Variants in DNAH3 observed in about 807,000 individuals in gnomAD.
DNAH3 encodes the protein dynein axonemal heavy chain 3.
In DNAH3, 332 loss-of-function variants were observed where a neutral mutation model predicts 432.5. The ratio of observed to expected loss-of-function variants is 0.77; its 90% CI spans 0.70 to 0.84. DNAH3 has a LOEUF of 0.84. Ranked by LOEUF, DNAH3 falls within the 40% of genes least tolerant of loss-of-function variation. The pLI is 0.00. For synonymous variants in DNAH3, 1,956 were observed against 1,900.2 expected (o/e 1.03, Z -0.76); for missense variants, 4,861 against 5,114.0 (o/e 0.95, Z 1.51).
chr16:21,128,640 C>G (rs6497527), intron 7 of DNAH3, among the ~76,000 whole-genome samples: 108,641 of 150,360 alleles, frequency 0.72, 39,757 homozygotes, highest in East Asian at 1. Context: ...CTTGCAGTGA[C>G]AGGAGATCAC....
intron 56 of DNAH3, among the ~76,000 whole-genome samples, 195 bp downstream of exon 56, chr16:20,952,238 A>C (rs1232116577): frequency 6.6e-6 from 1 of 152,152 alleles, no homozygotes; most frequent in Non-Finnish European, 1.5e-5. Context: ...ACTCAAGGGT[A>C]AAGATTCTAT....
chr16:20,952,878 C>T (rs1049198879), intron 55 of DNAH3, among the ~76,000 whole-genome samples: 8 of 152,128 alleles, frequency 5.3e-5, no homozygotes, highest in Non-Finnish European at 8.8e-5. Flanking sequence ...AATAACACCG[C>T]GGCATGGCTA....
chr16:21,120,831 G>A (rs1432993534), exon 11 of DNAH3: 9 of 1,614,032 alleles, frequency 5.6e-6, no homozygotes, highest in Non-Finnish European at 7.6e-6. Flanking sequence ...CAGTGAAGGA[G>A]AACTTAAGTG....
chr16:21,110,788 T>C (rs937103369), intron 14 of DNAH3, among the ~76,000 whole-genome samples: 5 of 152,120 alleles, frequency 3.3e-5, no homozygotes, highest in African/African-American at 1.2e-4. Flanking sequence ...GGGGGATCAC[T>C]TGAGCCTGGG....
At chr16:20,982,632 G>T in intron 49 of DNAH3, 89 bp downstream of exon 49, 1 of 1,102,274 alleles carries the variant, frequency 9.1e-7, no homozygotes, top group Non-Finnish European at 1.3e-6. Context: ...TACAAATTGA[G>T]AAATCTTCAA....
intron 11 of DNAH3, among the ~76,000 whole-genome samples, chr16:21,118,012 C>T: frequency 6.6e-6 from 1 of 151,898 alleles, no homozygotes; most frequent in East Asian, 1.9e-4. Context: ...TTTTTTGAGA[C>T]AGTCTCACTC....
intron 41 of DNAH3, among the ~76,000 whole-genome samples, chr16:21,008,285 C>T (rs2087417187): frequency 6.6e-6 from 1 of 152,086 alleles, no homozygotes; most frequent in South Asian, 2.1e-4. Context: ...TGACATGTTT[C>T]CCAACATTAT....
chr16:21,117,161 C>T (rs373564547), intron 12 of DNAH3, 42 bp downstream of exon 12: 1 of 1,394,378 alleles, frequency 7.2e-7, no homozygotes, highest in East Asian at 2.3e-5. Flanking sequence ...CCAAATCAAT[C>T]CCAAAAAGCT....
chr16:20,980,968 T>C (rs1309271629), intron 49 of DNAH3, among the ~76,000 whole-genome samples: 2 of 152,228 alleles, frequency 1.3e-5, no homozygotes, highest in African/African-American at 4.8e-5. Context: ...CTAATGGGCA[T>C]GCGTGCATTC....
intron 54 of DNAH3, among the ~76,000 whole-genome samples, chr16:20,956,264 T>G (rs938144119): frequency 6.6e-6 from 1 of 152,188 alleles, no homozygotes; most frequent in African/African-American, 2.4e-5. Flanking sequence ...AGGCTTTCTT[T>G]TACAGTTCTA....
intron 44 of DNAH3, 122 bp downstream of exon 44, chr16:20,997,161 T>G: frequency 1.1e-6 from 1 of 889,560 alleles, no homozygotes; most frequent in South Asian, 1.7e-5. Context: ...ATGCTTCTGC[T>G]CCATGCTCCT....
chr16:21,058,286 G>A (rs142722395), intron 26 of DNAH3, 90 bp from the exon 27 acceptor site: 164 of 686,156 alleles, frequency 2.4e-4, no homozygotes, highest in African/African-American at 2.4e-3. Flanking sequence ...CCTCACCACC[G>A]CAACAAAAAC....
At chr16:21,058,118 C>T (rs1381036891) in exon 27 of DNAH3, 2 of 1,613,236 alleles carry the variant, frequency 1.2e-6, no homozygotes, top group Non-Finnish European at 1.7e-6. Flanking sequence ...GCTTGGGACA[C>T]CTCCTGGGTC....
chr16:21,000,292 G>A (rs1567615101), exon 43 of DNAH3: 1 of 1,614,142 alleles, frequency 6.2e-7, no homozygotes, highest in Non-Finnish European at 8.5e-7. Flanking sequence ...ATCCAGCTTG[G>A]ACATGATGAT....
exon 48 of DNAH3, chr16:20,985,118 C>T (rs1389294186): frequency 6.2e-7 from 1 of 1,614,172 alleles, no homozygotes; most frequent in Admixed American, 1.7e-5. Flanking sequence ...GGAGTGACTT[C>T]AACCTTCTCT....
At chr16:20,963,190 T>C in intron 53 of DNAH3, 94 bp downstream of exon 53, 2 of 1,273,646 alleles carry the variant, frequency 1.6e-6, no homozygotes, top group South Asian at 3.0e-5. Context: ...CAAAGCCATC[T>C]GAACTTGAGA....
chr16:20,985,327 T>C, exon 48 of DNAH3: 2 of 1,614,222 alleles, frequency 1.2e-6, no homozygotes. Flanking sequence ...CTTCTTAAGA[T>C]CTTCTCGCCA....
At chr16:21,120,705 T>C in intron 11 of DNAH3, 1 of 1,477,454 alleles carries the variant, frequency 6.8e-7, no homozygotes, top group Non-Finnish European at 9.5e-7. Context: ...CTTCTTGGCA[T>C]TGTAATTCAT....
At chr16:21,150,604 C>T (rs2092841867) in intron 1 of DNAH3, 70 bp from the exon 2 acceptor site, 1 of 197,086 alleles carries the variant, frequency 5.1e-6, no homozygotes, top group Middle Eastern at 2.3e-3. Context: ...GCGCTTTTGG[C>T]TCTGGTTCCT....
Sources: gnomAD v4.1 joint callset for allele counts (sites outside exome capture counted in the v4.1 genomes callset) on GRCh38, gnomAD v4.1.1 for gene constraint, MANE v1.5 for transcripts, NCBI Gene and HGNC (gene_info 2026-07-23, HGNC 2026-07-21) for gene names.